The following CAB39 variants were observed in gnomAD, a reference collection of about 807,000 sequenced individuals.
CAB39 encodes calcium binding protein 39, also known as calcium-binding protein 39.
CAB39 carries 8 observed loss-of-function variants against 40.0 expected under a neutral mutation model. The ratio of observed to expected loss-of-function variants is 0.20; its 90% confidence interval spans 0.12 to 0.36. The LOEUF (loss-of-function observed/expected upper bound fraction) is 0.36, where lower values mean the gene tolerates loss of function less well. CAB39 is among the 10% of genes least tolerant of loss of function. The probability of loss-of-function intolerance (pLI) is 1.00; values close to 1 mark genes in which losing one functional copy is unlikely to be tolerated. For synonymous variants in CAB39, 156 were observed against 141.6 expected, an observed-to-expected ratio of 1.10 and a Z score of -0.72; for missense variants, 270 against 401.1, an observed-to-expected ratio of 0.67 and a Z score of 2.79.
intron 1 of CAB39, among the ~76,000 whole-genome samples, chr2:230,736,631 C>G (rs1480224533): frequency 6.6e-6 from 1 of 152,136 alleles, no homozygotes; most frequent in African/African-American, 2.4e-5. Flanking sequence ...GTAATCGAGA[C>G]CCTGTGGATC....
chr2:230,799,509 T>A (rs1696048622), intron 5 of CAB39, among the ~76,000 whole-genome samples: 1 of 152,186 alleles, frequency 6.6e-6, no homozygotes. Flanking sequence ...TTGTATAAAT[T>A]AAATACATAC....
At chr2:230,751,632 C>T (rs1695087085) in intron 1 of CAB39, among the ~76,000 whole-genome samples, 1 of 152,126 alleles carries the variant, frequency 6.6e-6, no homozygotes, top group South Asian at 2.1e-4. Context: ...TATTCTCTAG[C>T]ACTTTCTTGG....
intron 1 of CAB39, among the ~76,000 whole-genome samples, chr2:230,756,850 G>C (rs1356494384): frequency 6.6e-6 from 1 of 151,832 alleles, no homozygotes. Context: ...ACGCCACCAC[G>C]CCCAGCTGAT....
At chr2:230,762,522 A>G (rs1695313252) in intron 2 of CAB39, among the ~76,000 whole-genome samples, 1 of 152,228 alleles carries the variant, frequency 6.6e-6, no homozygotes, top group Non-Finnish European at 1.5e-5. Flanking sequence ...ACTGGCCTCT[A>G]GAGGCAGTCG....
chr2:230,719,680 C>T (rs1389406045), intron 1 of CAB39, among the ~76,000 whole-genome samples: 3 of 152,186 alleles, frequency 2.0e-5, no homozygotes, highest in African/African-American at 4.8e-5. Context: ...GTCCTGACTC[C>T]ATGGCTAATT....
chr2:230,729,946 A>G (rs1424283260), intron 1 of CAB39, among the ~76,000 whole-genome samples: 3 of 152,170 alleles, frequency 2.0e-5, no homozygotes, highest in African/African-American at 7.2e-5. Flanking sequence ...AAGACTTAAG[A>G]ACAAATGAGA....
Position 230,798,807 on chromosome 2 carries a change from C to T in CAB39, c.477C>T (p.Ile159=), listed in dbSNP as rs749989886. ...ECIRHEPLAK[I]ILWSEQFYDF... is the part of the protein sequence containing the mutation. ...TCAGACATGAACCACTTGCAAAAATCATTTTGTGGTCGGAACAGTTTTATG... is the reference window on the plus strand; with the variant it reads ...TCAGACATGAACCACTTGCAAAAATTATTTTGTGGTCGGAACAGTTTTATG... Residue 159 remains isoleucine (I), a synonymous_variant, in exon 5 of 9, where the codon ATC becomes ATT. Coordinates refer to ENST00000258418, the MANE Select transcript of CAB39 (RefSeq NM_016289.4). The T allele has an allele frequency of 2.5e-5, 40 of 1,610,886 alleles. No homozygotes were observed. The South Asian group carries it at 4.3e-4, about 17-fold the overall frequency.
intron 2 of CAB39, among the ~76,000 whole-genome samples, chr2:230,788,356 CATT>C (rs969242500): frequency 4.1e-4 from 62 of 151,736 alleles, no homozygotes; most frequent in Non-Finnish European, 6.2e-4. Flanking sequence ...AACCTGACAA[CATT>C]ATACCTGTGT....
intron 7 of CAB39, among the ~76,000 whole-genome samples, chr2:230,817,495 G>A (rs576581729): frequency 1.3e-5 from 2 of 152,212 alleles, no homozygotes; most frequent in Admixed American, 6.5e-5. Context: ...CTGGGGCCAA[G>A]GGGGCATCTT....
chr2:230,725,928 C>T (rs1231675524), intron 1 of CAB39, among the ~76,000 whole-genome samples: 1 of 152,122 alleles, frequency 6.6e-6, no homozygotes, highest in African/African-American at 2.4e-5. Flanking sequence ...TGTTGATTGC[C>T]AGAATACCTA....
At chr2:230,748,287 A>T (rs1260358890) in intron 1 of CAB39, among the ~76,000 whole-genome samples, 1 of 152,034 alleles carries the variant, frequency 6.6e-6, no homozygotes. Flanking sequence ...TTTGATTCAG[A>T]ATTGTAGTTG....
chr2:230,780,270 T>C (rs1406518980), intron 2 of CAB39, among the ~76,000 whole-genome samples: 1 of 152,238 alleles, frequency 6.6e-6, no homozygotes, highest in East Asian at 1.9e-4. Flanking sequence ...CAGAATGGTT[T>C]AGAAGAGTGC....
intron 1 of CAB39, among the ~76,000 whole-genome samples, chr2:230,714,669 C>T (rs1694317918): frequency 6.6e-6 from 1 of 152,168 alleles, no homozygotes; most frequent in Non-Finnish European, 1.5e-5. Context: ...TAATATTCTG[C>T]TGTAGAAAGC....
chr2:230,810,374 A>G (rs972184541), intron 6 of CAB39, 52 bp downstream of exon 6: 1 of 672,508 alleles, frequency 1.5e-6, no homozygotes, highest in African/African-American at 1.9e-5. Flanking sequence ...TTTTGTTACC[A>G]GAAATGAAAG....
At chr2:230,749,874 T>G (rs141178279) in intron 1 of CAB39, among the ~76,000 whole-genome samples, 1 of 152,334 alleles carries the variant, frequency 6.6e-6, no homozygotes, top group East Asian at 1.9e-4. Context: ...ATATATTGAT[T>G]GTAGTATGAA....
In CAB39 at chr2:230,812,317, G is replaced by A. The variant is rs529019738; in HGVS notation, c.628-1732G>A. 4.9e-4 allele frequency among the ~76,000 whole-genome samples: 74 copies of A among 152,322 alleles called. 1 individual carries two copies. Among genetic ancestry groups the A allele is most frequent in the Admixed American group, 5.9e-4 (9 of 15,302 alleles). On this transcript the variant is annotated intron_variant, in intron 6 of 8. Transcript: ENST00000258418. ...AAATAAAATGCTCAACTCCGATGCA[G>A]TTCCCTGAAAGCAAGTCTTTGAGGA...
intron 1 of CAB39, among the ~76,000 whole-genome samples, chr2:230,717,868 A>G (rs1006192608): frequency 2.0e-5 from 3 of 152,212 alleles, no homozygotes; most frequent in Admixed American, 6.5e-5. Flanking sequence ...GGAAGGCAGG[A>G]TGGCATGCAG....
intron 1 of CAB39, among the ~76,000 whole-genome samples, chr2:230,724,244 CA>C (rs60084225): frequency 0.24 from 24,465 of 100,922 alleles, 3,018 homozygotes; most frequent in African/African-American, 0.43. Context: ...AAGACTGTCT[CA>C]AAAAAAAAAA....
chr2:230,758,200 C>T (rs1042334466), intron 1 of CAB39, among the ~76,000 whole-genome samples: 4 of 150,888 alleles, frequency 2.7e-5, no homozygotes, highest in East Asian at 2.0e-4. Context: ...GGGAGGCTAA[C>T]GCTGAGGCAC....
Sources: gnomAD v4.1 joint callset for allele counts (sites outside exome capture counted in the v4.1 genomes callset) on GRCh38, gnomAD v4.1.1 for gene constraint, MANE v1.5 for transcripts, NCBI Gene and HGNC (gene_info 2026-07-23, HGNC 2026-07-21) for gene names.